Variants in PTPRD observed in about 807,000 individuals in gnomAD.
PTPRD encodes the protein protein tyrosine phosphatase receptor type D.
PTPRD carries 34 observed loss-of-function variants against 214.5 expected under a neutral mutation model. The ratio of observed to expected loss-of-function variants is 0.16; its 90% confidence interval spans 0.12 to 0.21. PTPRD has a LOEUF of 0.21. Among genes scored for constraint, PTPRD ranks in the 10% least tolerant of loss-of-function variants. The probability of loss-of-function intolerance (pLI) is 1.00; values close to 1 mark genes in which losing one functional copy is unlikely to be tolerated. For missense variants in PTPRD, 2,545 were observed against 2,398.7 expected (o/e 1.06, Z -1.27); for synonymous variants, 1,128 against 845.7 (o/e 1.33, Z -5.79).
chr9:10,143,734 T>G (rs1305497018), intron 3 of PTPRD, among the ~76,000 whole-genome samples: 1 of 151,978 alleles, frequency 6.6e-6, no homozygotes, highest in African/African-American at 2.4e-5. Context: ...CATAAAAAAA[T>G]GAAATTATGT....
At chr9:10,096,037 CTT>C (rs907553466) in intron 3 of PTPRD, among the ~76,000 whole-genome samples, 1 of 151,510 alleles carries the variant, frequency 6.6e-6, no homozygotes. Context: ...TCTGAGGAGA[CTT>C]TGAAACACAA....
At chr9:8,461,957 C>T (rs927785003) in intron 32 of PTPRD, among the ~76,000 whole-genome samples, 39 of 151,742 alleles carry the variant, frequency 2.6e-4, no homozygotes, top group Non-Finnish European at 2.5e-4. Context: ...GCCCTGAACC[C>T]GTATTCTTAA....
At chr9:8,970,673 T>A (rs73640976) in intron 11 of PTPRD, among the ~76,000 whole-genome samples, 2,985 of 151,754 alleles carry the variant, frequency 0.02, 103 homozygotes, top group African/African-American at 0.066. Flanking sequence ...AAATTGACAT[T>A]ACAAAAACTC....
intron 3 of PTPRD, among the ~76,000 whole-genome samples, chr9:10,054,086 C>A (rs757788708): frequency 2.0e-5 from 3 of 152,052 alleles, no homozygotes; most frequent in Non-Finnish European, 2.9e-5. Context: ...CAAATATTTT[C>A]TTTGTTTATT....
intron 10 of PTPRD, among the ~76,000 whole-genome samples, chr9:9,082,292 G>T (rs2099760427): frequency 6.6e-6 from 1 of 152,044 alleles, no homozygotes; most frequent in Non-Finnish European, 1.5e-5. Context: ...GGGACACAAG[G>T]GTGGTTCAAC....
At chr9:9,712,954 A>G (rs1242221739) in intron 7 of PTPRD, among the ~76,000 whole-genome samples, 2 of 152,218 alleles carry the variant, frequency 1.3e-5, no homozygotes, top group African/African-American at 4.8e-5. Context: ...CATTAATGAA[A>G]AAACTCATTT....
chr9:8,404,493 A>G (rs1430935301), intron 36 of PTPRD, 44 bp downstream of exon 36: 1 of 1,586,590 alleles, frequency 6.3e-7, no homozygotes. Flanking sequence ...CACATACTCA[A>G]ATCCATGAAA....
At chr9:10,413,083 AT>A (rs1389801362) in intron 2 of PTPRD, among the ~76,000 whole-genome samples, 1 of 151,970 alleles carries the variant, frequency 6.6e-6, no homozygotes, top group Non-Finnish European at 1.5e-5. Context: ...CACCACTCCT[AT>A]TCAACATAGT....
At chr9:9,701,740 T>C (rs965816502) in intron 7 of PTPRD, among the ~76,000 whole-genome samples, 3 of 151,804 alleles carry the variant, frequency 2.0e-5, no homozygotes, top group Non-Finnish European at 4.4e-5. Flanking sequence ...AGGATGAATA[T>C]GCTATTAATA....
chr9:10,355,415 T>G (rs910159069), intron 2 of PTPRD, among the ~76,000 whole-genome samples: 1 of 152,210 alleles, frequency 6.6e-6, no homozygotes, highest in East Asian at 1.9e-4. Flanking sequence ...TTGTTAACAA[T>G]TGAGAGCTTA....
intron 4 of PTPRD, among the ~76,000 whole-genome samples, chr9:10,033,330 G>A (rs2097118210): frequency 6.6e-6 from 1 of 151,746 alleles, no homozygotes; most frequent in African/African-American, 2.4e-5. Context: ...TAAGTATAGT[G>A]TATTAGCTTT....
intron 14 of PTPRD, among the ~76,000 whole-genome samples, chr9:8,553,039 G>T (rs969072104): frequency 3.9e-5 from 6 of 152,106 alleles, no homozygotes; most frequent in African/African-American, 1.4e-4. Flanking sequence ...ACTTGAGCTG[G>T]CCCAGACTAG....
At chr9:9,897,101 T>C (rs10116104) in intron 5 of PTPRD, among the ~76,000 whole-genome samples, 36,030 of 147,788 alleles carry the variant, frequency 0.24, 4,841 homozygotes, top group East Asian at 0.52. Flanking sequence ...AACACTTCCC[T>C]GTCATTAAAA....
chr9:10,211,813 A>AG (rs2099518527), intron 3 of PTPRD, among the ~76,000 whole-genome samples: 1 of 152,008 alleles, frequency 6.6e-6, no homozygotes, highest in South Asian at 2.1e-4. Context: ...AGAAGAAGAG[A>AG]GGGGGGTGAG....
At chr9:10,077,319 A>G (rs879598190) in intron 3 of PTPRD, among the ~76,000 whole-genome samples, 1 of 152,132 alleles carries the variant, frequency 6.6e-6, no homozygotes, top group Admixed American at 6.5e-5. Flanking sequence ...ATTTCCAGTA[A>G]TTCATGCAAA....
intron 39 of PTPRD, among the ~76,000 whole-genome samples, chr9:8,348,018 G>A (rs1354779708): frequency 2.6e-5 from 4 of 152,002 alleles, no homozygotes; most frequent in African/African-American, 9.7e-5. Flanking sequence ...AAATAAAGAG[G>A]GTGGAAAAGC....
At chr9:8,927,428 A>C (rs1258295981) in intron 11 of PTPRD, among the ~76,000 whole-genome samples, 2 of 152,036 alleles carry the variant, frequency 1.3e-5, no homozygotes, top group African/African-American at 4.8e-5. Context: ...CTCATTGTTC[A>C]ACTCCCACTT....
At chr9:9,158,343 T>C (rs1407021044) in intron 10 of PTPRD, among the ~76,000 whole-genome samples, 1 of 152,136 alleles carries the variant, frequency 6.6e-6, no homozygotes, top group African/African-American at 2.4e-5. Flanking sequence ...GACTCACGCC[T>C]GTAATCCCAG....
At chr9:8,684,485 C>G (rs1425144961) in intron 12 of PTPRD, among the ~76,000 whole-genome samples, 6 of 149,124 alleles carry the variant, frequency 4.0e-5, no homozygotes, top group Non-Finnish European at 8.8e-5. Flanking sequence ...CTCTTTCTTT[C>G]CCCTACAAGT....
Sources: allele counts gnomAD v4.1 joint callset (sites outside exome capture counted in the v4.1 genomes callset), GRCh38; gene constraint gnomAD v4.1.1; transcripts MANE v1.5; gene names NCBI Gene and HGNC (gene_info 2026-07-23, HGNC 2026-07-21).